The following TMEM74B variants were observed in gnomAD, a reference collection of about 807,000 sequenced individuals.
The protein encoded by TMEM74B is transmembrane protein 74B, also known as transmembrane protein C20orf46.
TMEM74B carries 7 observed loss-of-function variants against 6.5 expected under a neutral mutation model. The observed-to-expected ratio is 1.07, with a 90% CI of 0.61 to 2.01. The LOEUF is 2.01. Ranked by LOEUF, TMEM74B falls within the 30% of genes most tolerant of loss-of-function variation. The probability of loss-of-function intolerance (pLI) is 0.00; values close to 1 mark genes in which losing one functional copy is unlikely to be tolerated. For synonymous variants in TMEM74B, 151 were observed against 151.6 expected, an observed-to-expected ratio of 1.00 and a Z score of 0.03; for missense variants, 342 against 337.0, an observed-to-expected ratio of 1.01 and a Z score of -0.12.
At chr20:1,188,155 TACACACAC>T (rs138460101), upstream of TMEM74B, among the ~76,000 whole-genome samples, 2 of 141,156 alleles carry the variant, frequency 1.4e-5, no homozygotes, top group Non-Finnish European at 3.1e-5. Context: ...ATATATATAA[TACACACAC>T]ACACACACAC....
Position 1,181,614 on chromosome 20 carries a change from G to C in TMEM74B, c.32-27C>G. On this transcript the variant is annotated intron_variant, in intron 2 of 2. Coordinates refer to ENST00000429036, the MANE Select transcript of TMEM74B (RefSeq NM_001304748.2). The surrounding 1 kb of genome is among the most constrained non-coding windows in gnomAD (Gnocchi z 4.9). Reference sequence around the variant, plus strand: ...TGGAAGAGAAAAAAGAAAGTCAGTTGAATGTAGCAACCTCTCCCTGTTGTG... The same window carrying C: ...TGGAAGAGAAAAAAGAAAGTCAGTTCAATGTAGCAACCTCTCCCTGTTGTG... The C allele has an allele frequency of 2.1e-6, 3 of 1,453,242 alleles. No individual in the cohort carries two copies. The highest frequency in any genetic ancestry group is 2.7e-6 in the Non-Finnish European group (3 of 1,110,464). 90.0% of individuals were successfully genotyped at this position (1,453,242 alleles called of 1,614,324 possible). A position where few individuals can be genotyped will look rare whatever the true frequency, so the allele number is the denominator to read the frequency against.
chr20:1,180,830 G>C lies in TMEM74B; in HGVS notation c.*18C>G, dbSNP rs2086840463. On this transcript the variant is annotated 3_prime_UTR_variant, in exon 3 of 3. Transcript: ENST00000429036. The surrounding 1 kb of genome is among the most constrained non-coding windows in gnomAD (Gnocchi z 6.1). ...TGTAGCACTGGAGCTAAAGCAGCCA[G>C]ATAAGGTGGGCTAGTTCTTAAGACC... The C allele has an allele frequency of 1.9e-6, 3 of 1,547,718 alleles. No homozygotes were observed. Among genetic ancestry groups the C allele is most frequent in the South Asian group, 2.5e-5 (2 of 81,054 alleles).
At position 1,184,789 on chromosome 20, in the gene TMEM74B, G is replaced by A. The variant is rs1204199517; in HGVS notation, c.-635C>T. 6.6e-6 allele frequency: 1 copy of A among 152,354 alleles called. No homozygotes were observed. Among genetic ancestry groups the A allele is most frequent in the African/African-American group, 2.4e-5 (1 of 41,448 alleles). The allele number at this position is 152,354 out of a possible 1,614,324, so 9.4% of individuals were successfully genotyped here. On this transcript the variant is annotated 5_prime_UTR_variant, in exon 1 of 3. Coordinates refer to ENST00000429036, the MANE Select transcript of TMEM74B (RefSeq NM_001304748.2). The surrounding 1 kb of genome is among the most constrained non-coding windows in gnomAD (Gnocchi z 6.0). ...TGTGGGTGAAGCTTCACAAAACCCA[G>A]TCGATAGACACACGCACGAGTTGTA...
chr20:1,183,290 C>CTCTCTGTGTG (rs1555769547), intron 2 of TMEM74B, among the ~76,000 whole-genome samples: 64 of 149,212 alleles, frequency 4.3e-4, no homozygotes, highest in Non-Finnish European at 5.9e-5. Flanking sequence ...GGTTCGTTCT[C>CTCTCTGTGTG]TGTGTGTGTG....
Position 1,181,527 on chromosome 20 carries a change from A to G in TMEM74B, c.92T>C (p.Leu31Pro). ...ACCATTGCTCAGTGTCTTCAGTTCC[A>G]GACCAGGGGGAGATGCCATTGGGAA... ...PSFPMASPPGLELKTLSNGPQ... is the reference protein window; with the variant it reads ...PSFPMASPPGPELKTLSNGPQ... The change falls in exon 3 of 3, where the codon CTG becomes CCG. Residue 31 changes from leucine (L) to proline (P), a missense_variant. Physicochemically the swap from Leu to Pro is moderately conservative, Grantham distance 98 (BLOSUM62 -3). Transcript: ENST00000429036. The surrounding 1 kb of genome is among the most constrained non-coding windows in gnomAD (Gnocchi z 4.9). The G allele has an allele frequency of 6.7e-7, 1 of 1,490,354 alleles. No homozygotes were observed. 92.3% of individuals were successfully genotyped at this position (1,490,354 alleles called of 1,614,324 possible). A position where few individuals can be genotyped will look rare whatever the true frequency, so the allele number is the denominator to read the frequency against.
intron 2 of TMEM74B, among the ~76,000 whole-genome samples, chr20:1,182,294 C>T (rs777453059): frequency 6.6e-6 from 1 of 151,932 alleles, no homozygotes; most frequent in South Asian, 2.1e-4. Context: ...GAATTGGATA[C>T]TTCCCAGCAA....
intron 2 of TMEM74B, among the ~76,000 whole-genome samples, chr20:1,182,653 G>A (rs1017403331): frequency 6.6e-6 from 1 of 152,156 alleles, no homozygotes; most frequent in African/African-American, 2.4e-5. Context: ...AGGGGAACCG[G>A]GAGGGAGAGG....
In TMEM74B at chr20:1,183,825, C is replaced by G; in HGVS notation, c.-24G>C. 1 of 1,613,838 alleles carries G rather than the reference C, an allele frequency of 6.2e-7. No individual in the cohort carries two copies. The highest frequency in any genetic ancestry group is 8.5e-7 in the Non-Finnish European group (1 of 1,179,954). On this transcript the variant is annotated 5_prime_UTR_variant, in exon 2 of 3. Transcript: ENST00000429036. Reference sequence around the variant, plus strand: ...ATCACTCCACCAGCCTTCCCTGGCTCTGCATCCCTCACTCATAGACTCTTC... The same window carrying G: ...ATCACTCCACCAGCCTTCCCTGGCTGTGCATCCCTCACTCATAGACTCTTC...
In TMEM74B at chr20:1,181,737, C is replaced by T. The variant is rs148034548; in HGVS notation, c.32-150G>A. ...ACAGAGGGGAAGACAGGGAATAAGA[C>T]GATGACAGAACAGTGTGATCCAAGC... is the stretch of plus-strand genomic sequence containing the variant. On this transcript the variant is annotated intron_variant, in intron 2 of 2. Transcript: ENST00000429036. The surrounding 1 kb of genome is among the most constrained non-coding windows in gnomAD (Gnocchi z 4.9). The T allele has an allele frequency of 8.3e-5, 75 of 903,714 alleles. No homozygotes were observed. Among genetic ancestry groups the T allele is most frequent in the Middle Eastern group, 2.9e-4 (1 of 3,490 alleles). 56.0% of individuals were successfully genotyped at this position (903,714 alleles called of 1,614,324 possible).
chr20:1,187,022 C>T (rs989849170), upstream of TMEM74B, among the ~76,000 whole-genome samples: 3 of 152,186 alleles, frequency 2.0e-5, no homozygotes, highest in Non-Finnish European at 4.4e-5. Flanking sequence ...ACTGTTCCTT[C>T]CCTCAGTCAT....
chr20:1,187,792 C>G (rs999072274), upstream of TMEM74B, among the ~76,000 whole-genome samples: 1 of 152,144 alleles, frequency 6.6e-6, no homozygotes, highest in Non-Finnish European at 1.5e-5. Flanking sequence ...GATAAGGAAC[C>G]TGGTAGGAGA....
At chr20:1,183,673 T>C (rs2086940309) in intron 2 of TMEM74B, 98 bp downstream of exon 2, 11 of 1,459,746 alleles carry the variant, frequency 7.5e-6, no homozygotes, top group Non-Finnish European at 1.0e-5. Flanking sequence ...TTACTGTCTC[T>C]ATTTCATAAA....
chr20:1,183,807 C>T lies in TMEM74B; in HGVS notation c.-6G>A. 1 of 1,613,964 alleles carries T rather than the reference C, an allele frequency of 6.2e-7. No individual in the cohort carries two copies. Among genetic ancestry groups the T allele is most frequent in the Non-Finnish European group, 8.5e-7 (1 of 1,179,994 alleles). On this transcript the variant is annotated 5_prime_UTR_variant, in exon 2 of 3. It introduces an in-frame stop codon into an upstream open reading frame of the 5' UTR. Coordinates refer to ENST00000429036, the MANE Select transcript of TMEM74B (RefSeq NM_001304748.2). ...TACCCCTGTGCTGGTGGCATCACTCCACCAGCCTTCCCTGGCTCTGCATCC... is the reference window on the plus strand; with the variant it reads ...TACCCCTGTGCTGGTGGCATCACTCTACCAGCCTTCCCTGGCTCTGCATCC...
At chr20:1,183,313 TGTTTG>T (rs2086926200) in intron 2 of TMEM74B, among the ~76,000 whole-genome samples, 9 of 150,908 alleles carry the variant, frequency 6.0e-5, no homozygotes, top group South Asian at 4.2e-4. Flanking sequence ...TGTGTGTGTG[TGTTTG>T]TGTGTGTGTG....
chr20:1,182,745 G>T lies in TMEM74B; in HGVS notation c.31+1026C>A, dbSNP rs180920443. 4.4e-3 allele frequency among the ~76,000 whole-genome samples: 669 copies of T among 152,284 alleles called. 21 individuals are homozygous for T. The highest frequency in any genetic ancestry group is 0.035 in the Admixed American group (536 of 15,296). ...ACACAAACCCACCCAGACACAGACA[G>T]CACATGTGCATTCCCGCTGAAGGAT... is the stretch of plus-strand genomic sequence containing the variant. On this transcript the variant is annotated intron_variant, in intron 2 of 2. Transcript: ENST00000429036.
At chr20:1,183,650 C>G (rs1406611395) in intron 2 of TMEM74B, 121 bp downstream of exon 2, 17 of 1,243,150 alleles carry the variant, frequency 1.4e-5, no homozygotes, top group Non-Finnish European at 1.8e-5. Context: ...CTCACCAGCC[C>G]CACGATCCGG....
upstream of TMEM74B, among the ~76,000 whole-genome samples, chr20:1,188,285 T>A (rs1185335462): frequency 6.6e-6 from 1 of 151,856 alleles, no homozygotes; most frequent in East Asian, 1.9e-4. Flanking sequence ...AATCTTGGTT[T>A]CTAATACCAT....
In TMEM74B at chr20:1,180,859, G is replaced by A; in HGVS notation, c.760C>T (p.Gln254Ter). The part of the protein sequence containing the change: ...VQVSETSHTL[Q>*]RS ...AGGTGGGCTAGTTCTTAAGACCTCT[G>A]GAGGGTGTGGCTAGTCTCTGAGACC... is the stretch of plus-strand genomic sequence containing the variant. Residue 254 changes from glutamine to a stop codon, truncating the protein, a stop_gained, in exon 3 of 3, where the codon CAG becomes TAG. Transcript: ENST00000429036. LOFTEE classifies it high-confidence loss of function. The surrounding 1 kb of genome is among the most constrained non-coding windows in gnomAD (Gnocchi z 6.1). 1 of 1,591,712 alleles carries A rather than the reference G, an allele frequency of 6.3e-7. No homozygotes were observed. The highest frequency in any genetic ancestry group is 8.6e-7 in the Non-Finnish European group (1 of 1,166,604).
Position 1,180,769 on chromosome 20 carries a change from G to A in TMEM74B, c.*79C>T. The stretch of plus-strand genomic sequence containing the variant: ...CTCAGTTTAAAACCCCAGGGCCTTG[G>A]CAGGGGTCAGGTGGGCGGGAGCAGG... On this transcript the variant is annotated 3_prime_UTR_variant, in exon 3 of 3. Coordinates refer to ENST00000429036, the MANE Select transcript of TMEM74B (RefSeq NM_001304748.2). The surrounding 1 kb of genome is among the most constrained non-coding windows in gnomAD (Gnocchi z 6.1). The A allele has an allele frequency of 6.6e-7, 1 of 1,505,730 alleles. No homozygotes were observed. Among genetic ancestry groups the A allele is most frequent in the South Asian group, 1.3e-5 (1 of 74,266 alleles). 93.3% of individuals were successfully genotyped at this position (1,505,730 alleles called of 1,614,324 possible). A position where few individuals can be genotyped will look rare whatever the true frequency, so the allele number is the denominator to read the frequency against.
Sources: gnomAD v4.1 joint callset for allele counts (sites outside exome capture counted in the v4.1 genomes callset) on GRCh38, gnomAD v4.1.1 for gene constraint, Gnocchi (gnomAD v3.1) non-coding constraint, MANE v1.5 for transcripts, NCBI Gene and HGNC (gene_info 2026-07-23, HGNC 2026-07-21) for gene names.